Variants in FAM229B observed in about 807,000 individuals in gnomAD.
FAM229B encodes protein FAM229B.
Under a neutral mutation model 6.7 loss-of-function variants are expected in FAM229B, and 2 were observed. The observed-to-expected ratio is 0.30, with a 90% confidence interval of 0.12 to 0.94. The LOEUF is 0.94. Ranked by LOEUF, FAM229B falls within the 40% of genes least tolerant of loss-of-function variation. The pLI is 0.54. For synonymous variants in FAM229B, 29 were observed against 34.0 expected (o/e 0.85, Z 0.51); for missense variants, 93 against 96.2 (o/e 0.97, Z 0.14).
intron 1 of FAM229B, 32 bp downstream of exon 1, chr6:112,087,752 A>G (rs1157958909): frequency 5.1e-6 from 2 of 395,368 alleles, no homozygotes; most frequent in African/African-American, 4.1e-5. Flanking sequence ...ATTTTAAAAT[A>G]TGTGTCGTTA....
chr6:112,089,858 T>C (rs1777234606), intron 1 of FAM229B, among the ~76,000 whole-genome samples: 1 of 151,762 alleles, frequency 6.6e-6, no homozygotes, highest in African/African-American at 2.4e-5. Context: ...AAAAATGTAC[T>C]TGATAAAAAA....
At chr6:112,096,152 C>T (rs1048254686) in intron 1 of FAM229B, among the ~76,000 whole-genome samples, 2 of 152,058 alleles carry the variant, frequency 1.3e-5, no homozygotes, top group East Asian at 3.9e-4. Flanking sequence ...ATGAGGTGGG[C>T]TATTGATCTA....
At chr6:112,098,487 T>C (rs1266689787) in intron 2 of FAM229B, among the ~76,000 whole-genome samples, 1 of 152,240 alleles carries the variant, frequency 6.6e-6, no homozygotes, top group Non-Finnish European at 1.5e-5. Context: ...CACTGCACTT[T>C]ACGTGTATTA....
Position 112,100,903 on chromosome 6 carries a change from G to A in FAM229B, c.*116G>A, listed in dbSNP as rs781965360. 1.2e-5 allele frequency: 9 copies of A among 759,836 alleles called. No individual in the cohort carries two copies. The highest frequency in any genetic ancestry group is 2.0e-5 in the Non-Finnish European group (9 of 441,516). The allele number at this position is 759,836 out of a possible 1,614,324, so 47.1% of individuals were successfully genotyped here. Reference sequence around the variant, plus strand: ...ACCTTTAGATGATGACAACAGTTGAGCTCTTTACTTTTAGTAAGACCGACA... The same window carrying A: ...ACCTTTAGATGATGACAACAGTTGAACTCTTTACTTTTAGTAAGACCGACA... On this transcript the variant is annotated 3_prime_UTR_variant, in exon 4 of 4. Transcript: ENST00000368656.
chr6:112,100,619 A>G, intron 3 of FAM229B, 51 bp from the exon 4 acceptor site: 5 of 1,287,912 alleles, frequency 3.9e-6, no homozygotes, highest in Non-Finnish European at 5.6e-6. Flanking sequence ...CTGAAAAAAA[A>G]TATTTCCTCT....
In FAM229B at chr6:112,100,952, G is replaced by T; in HGVS notation, c.*165G>T. ...CAGAAATGTAGTCAGTAAAGCACAT[G>T]TAGTGATAGGCTATCAGTTATGTCT... On this transcript the variant is annotated 3_prime_UTR_variant, in exon 4 of 4. Coordinates refer to ENST00000368656, the MANE Select transcript of FAM229B (RefSeq NM_001033564.3). 3.3e-6 allele frequency: 2 copies of T among 598,662 alleles called. No individual in the cohort carries two copies. The highest frequency in any genetic ancestry group is 6.0e-6 in the Non-Finnish European group (2 of 334,298). 37.1% of individuals were successfully genotyped at this position (598,662 alleles called of 1,614,324 possible).
chr6:112,100,620 T>A (rs1174117340), intron 3 of FAM229B, 50 bp from the exon 4 acceptor site: 6 of 1,283,714 alleles, frequency 4.7e-6, no homozygotes, highest in South Asian at 2.5e-5. Context: ...TGAAAAAAAA[T>A]ATTTCCTCTT....
chr6:112,099,743 A>G (rs1777371980), intron 3 of FAM229B, among the ~76,000 whole-genome samples: 1 of 152,232 alleles, frequency 6.6e-6, no homozygotes, highest in African/African-American at 2.4e-5. Context: ...TAAACAAACA[A>G]AACTTCAGTG....
rs931546665 is a variant in FAM229B at position 112,100,826 on chromosome 6, G to T, written c.*39G>T. 7.7e-6 allele frequency: 11 copies of T among 1,429,032 alleles called. No individual in the cohort carries two copies. Among genetic ancestry groups the T allele is most frequent in the Admixed American group, 6.7e-5 (4 of 59,418 alleles). The allele number at this position is 1,429,032 out of a possible 1,614,324, so 88.5% of individuals were successfully genotyped here. A position where few individuals can be genotyped will look rare whatever the true frequency, so the allele number is the denominator to read the frequency against. ...TTTGTCAAGGTCTGACTAGGTCAAG[G>T]GTAATGGACCAGTATCATCTGGTGA... On this transcript the variant is annotated 3_prime_UTR_variant, in exon 4 of 4. Transcript: ENST00000368656.
intron 3 of FAM229B, 92 bp downstream of exon 3, chr6:112,099,500 T>C (rs12154150): frequency 0.27 from 342,072 of 1,255,126 alleles, 47,945 homozygotes; most frequent in African/African-American, 0.41. Context: ...AAGAAAAAAC[T>C]CTCAGCAATT....
intron 2 of FAM229B, among the ~76,000 whole-genome samples, chr6:112,097,910 T>G (rs1554318834): frequency 6.6e-6 from 1 of 152,134 alleles, no homozygotes; most frequent in Admixed American, 6.5e-5. Flanking sequence ...AAAATGAGGG[T>G]AGTGTTTCTC....
intron 1 of FAM229B, among the ~76,000 whole-genome samples, chr6:112,093,730 A>G (rs149235684): frequency 8.0e-4 from 122 of 152,236 alleles, no homozygotes; most frequent in African/African-American, 2.8e-3. Context: ...TAAATATTGG[A>G]AAATACTTAT....
rs1554318038 is a variant in FAM229B, at chr6:112,090,197, G to A, written c.-176+2477G>A. ...AGTTGTCATTAAAATATAATTCAGA[G>A]TTGTGGGTGGTCTGTTTTTATTCTT... On this transcript the variant is annotated intron_variant, in intron 1 of 3. Transcript: ENST00000368656. Among the ~76,000 whole-genome samples, 6 of 138,468 alleles carry A rather than the reference G, an allele frequency of 4.3e-5. No homozygotes were observed. In the South Asian group the frequency reaches 1.3e-3, roughly 30 times the overall value. The allele number at this position is 138,468 out of a possible 152,430, so 90.8% of individuals were successfully genotyped here.
At chr6:112,090,330 A>G (rs1339662256) in intron 1 of FAM229B, among the ~76,000 whole-genome samples, 1 of 152,208 alleles carries the variant, frequency 6.6e-6, no homozygotes, top group Non-Finnish European at 1.5e-5. Context: ...ATTTAAATTC[A>G]TTAGTTAAAT....
intron 1 of FAM229B, among the ~76,000 whole-genome samples, chr6:112,089,184 A>G (rs587699216): frequency 4.7e-4 from 72 of 152,318 alleles, no homozygotes; most frequent in African/African-American, 1.7e-3. Flanking sequence ...TGACCAACAT[A>G]CAGAGCAAAT....
rs1355730122 is a variant in FAM229B, at chr6:112,087,617, C to CG, written c.-278dup. 69 of 633,054 alleles carry CG rather than the reference C, an allele frequency of 1.1e-4. 2 individuals carry two copies. The highest frequency in any genetic ancestry group is 9.6e-4 in the East Asian group (34 of 35,498). The allele number at this position is 633,054 out of a possible 1,614,324, so 39.2% of individuals were successfully genotyped here. A position where few individuals can be genotyped will look rare whatever the true frequency, so the allele number is the denominator to read the frequency against. On this transcript the variant is annotated 5_prime_UTR_variant, in exon 1 of 4. Coordinates refer to ENST00000368656, the MANE Select transcript of FAM229B (RefSeq NM_001033564.3). ...TCAGAAGGCCGCGCAAGTGCACTTG[C>CG]GTGTCACCGTTACCGTAGCGACTGG...
intron 3 of FAM229B, among the ~76,000 whole-genome samples, chr6:112,099,658 A>T (rs1167351851): frequency 2.0e-5 from 3 of 152,218 alleles, no homozygotes; most frequent in Admixed American, 2.0e-4. Context: ...AACAACAACA[A>T]CAAAAACACA....
In FAM229B at chr6:112,099,421, G is replaced by T; in HGVS notation, c.125+13G>T. The T allele has an allele frequency of 6.2e-7, 1 of 1,608,908 alleles. No individual in the cohort carries two copies. The highest frequency in any genetic ancestry group is 8.5e-7 in the Non-Finnish European group (1 of 1,177,730). On this transcript the variant is annotated intron_variant, in intron 3 of 3. Transcript: ENST00000368656. Reference sequence around the variant, plus strand: ...TGTCACCAACCAGGTAAAGTCTTCTGTCCTCACAAGTGAGGAGATATGTAT... The same window carrying T: ...TGTCACCAACCAGGTAAAGTCTTCTTTCCTCACAAGTGAGGAGATATGTAT...
intron 1 of FAM229B, among the ~76,000 whole-genome samples, chr6:112,089,088 G>A (rs1583602417): frequency 6.6e-6 from 1 of 152,102 alleles, no homozygotes; most frequent in Non-Finnish European, 1.5e-5. Flanking sequence ...GAACCGCAGC[G>A]GGCTATTCAG....
Sources: allele counts gnomAD v4.1 joint callset (sites outside exome capture counted in the v4.1 genomes callset), GRCh38; gene constraint gnomAD v4.1.1; transcripts MANE v1.5; gene names NCBI Gene and HGNC (gene_info 2026-07-23, HGNC 2026-07-21).